Variants in THSD4 observed in about 807,000 individuals in gnomAD.
THSD4 encodes the protein thrombospondin type-1 domain-containing protein 4.
A neutral mutation model predicts 119.0 loss-of-function variants in THSD4; 69 were observed. The observed-to-expected ratio is 0.58, with a 90% CI of 0.48 to 0.71. The LOEUF (loss-of-function observed/expected upper bound fraction) is 0.71. THSD4 is among the 30% of genes least tolerant of loss of function. THSD4 has a pLI of 0.00. For missense variants in THSD4, 1,393 were observed against 1,391.1 expected, an observed-to-expected ratio of 1.00 and a Z score of -0.02; for synonymous variants, 524 against 540.4, an observed-to-expected ratio of 0.97 and a Z score of 0.42.
chr15:71,336,639 G>A (rs993253768), intron 6 of THSD4, among the ~76,000 whole-genome samples: 2 of 152,176 alleles, frequency 1.3e-5, no homozygotes, highest in Non-Finnish European at 2.9e-5. Flanking sequence ...TTATATTTCT[G>A]TAAGAGGTGC....
intron 6 of THSD4, among the ~76,000 whole-genome samples, chr15:71,365,291 A>G (rs541341660): frequency 3.9e-5 from 6 of 152,116 alleles, no homozygotes; most frequent in Non-Finnish European, 7.4e-5. Context: ...TGTAGGTACT[A>G]ACTTTCTCAG....
chr15:71,212,604 A>G (rs1317396641), intron 3 of THSD4, among the ~76,000 whole-genome samples: 1 of 152,216 alleles, frequency 6.6e-6, no homozygotes, highest in Admixed American at 6.5e-5. Context: ...CACCAGGACA[A>G]TTGTCGAAGT....
At chr15:71,535,937 G>A (rs1382553056) in intron 7 of THSD4, among the ~76,000 whole-genome samples, 5 of 152,248 alleles carry the variant, frequency 3.3e-5, no homozygotes, top group Admixed American at 2.0e-4. Context: ...TTTTGATAAA[G>A]TCCCATTTAT....
intron 7 of THSD4, among the ~76,000 whole-genome samples, chr15:71,651,013 GGAGA>G (rs752289425): frequency 1.2e-4 from 18 of 152,126 alleles, no homozygotes; most frequent in Admixed American, 5.2e-4. Context: ...TGAAAGAATG[GGAGA>G]GAGAGAATTA....
At chr15:71,435,898 C>T (rs1019545852) in intron 7 of THSD4, among the ~76,000 whole-genome samples, 4 of 152,166 alleles carry the variant, frequency 2.6e-5, no homozygotes, top group Non-Finnish European at 4.4e-5. Flanking sequence ...AGGACAGACT[C>T]CACTGACAGC....
At chr15:71,280,748 A>G (rs11072267) in intron 6 of THSD4, among the ~76,000 whole-genome samples, 151,494 of 152,178 alleles carry the variant, frequency 1, 75,410 homozygotes, top group Middle Eastern at 1. Context: ...GGTGTTTTGG[A>G]GGTGTGTCTA....
At chr15:71,754,882 T>C (rs116179093) in intron 14 of THSD4, among the ~76,000 whole-genome samples, 1 of 151,968 alleles carries the variant, frequency 6.6e-6, no homozygotes, top group Non-Finnish European at 1.5e-5. Context: ...TATGGAGAAG[T>C]GATTAGACAA....
intron 7 of THSD4, among the ~76,000 whole-genome samples, chr15:71,612,728 C>T (rs1202392553): frequency 1.3e-5 from 2 of 152,180 alleles, no homozygotes; most frequent in East Asian, 3.8e-4. Context: ...GAGGCCCCAG[C>T]TGTGAAATTA....
intron 7 of THSD4, among the ~76,000 whole-genome samples, chr15:71,595,785 T>G (rs1426467789): frequency 6.6e-6 from 1 of 152,146 alleles, no homozygotes; most frequent in Non-Finnish European, 1.5e-5. Flanking sequence ...ACGCCCTCCA[T>G]TTAAAGACGG....
intron 5 of THSD4, among the ~76,000 whole-genome samples, chr15:71,244,742 A>G (rs117115339): frequency 0.01 from 1,534 of 152,316 alleles, 11 homozygotes; most frequent in Admixed American, 0.027. Flanking sequence ...CAAAAAGTAA[A>G]GAATTGTTTG....
chr15:71,452,600 G>A (rs2047281217), intron 7 of THSD4, among the ~76,000 whole-genome samples: 1 of 151,764 alleles, frequency 6.6e-6, no homozygotes, highest in South Asian at 2.1e-4. Context: ...GCCTTTAGGA[G>A]GTAAATTTAT....
At chr15:71,731,042 A>G in intron 9 of THSD4, 79 bp from the exon 10 acceptor site, 1 of 1,322,020 alleles carries the variant, frequency 7.6e-7, no homozygotes, top group East Asian at 2.4e-5. Flanking sequence ...ATTTCTCAGT[A>G]GTTCTGCAAA....
chr15:71,544,274 A>G (rs116724531), intron 7 of THSD4, among the ~76,000 whole-genome samples: 26 of 152,342 alleles, frequency 1.7e-4, no homozygotes, highest in African/African-American at 4.8e-4. Flanking sequence ...GCTGTGTGAC[A>G]TGGAGCAAAT....
At chr15:71,280,142 G>C (rs1303655187) in intron 6 of THSD4, among the ~76,000 whole-genome samples, 3 of 152,272 alleles carry the variant, frequency 2.0e-5, no homozygotes, top group East Asian at 3.9e-4. Flanking sequence ...CCAGGCAGAG[G>C]GAACCACAGA....
chr15:71,777,397 G>C lies in THSD4; in HGVS notation c.*23G>C. The C allele has an allele frequency of 6.2e-7, 1 of 1,607,796 alleles. No individual in the cohort carries two copies. The highest frequency in any genetic ancestry group is 1.1e-5 in the South Asian group (1 of 90,550). ...TAACACTCCTGCACCCCCATCAGTA[G>C]GGCAGCATCACTGCCTTCCCGGGGG... On this transcript the variant is annotated 3_prime_UTR_variant, in exon 18 of 18. Coordinates refer to ENST00000261862, the MANE Select transcript of THSD4 (RefSeq NM_024817.3).
At chr15:71,339,660 A>C (rs1329924435) in intron 6 of THSD4, among the ~76,000 whole-genome samples, 1 of 152,190 alleles carries the variant, frequency 6.6e-6, no homozygotes, top group East Asian at 1.9e-4. Flanking sequence ...CCTGTGCCTC[A>C]GTTTCCTAAT....
At chr15:71,650,117 A>G (rs1468198120) in intron 7 of THSD4, among the ~76,000 whole-genome samples, 4 of 152,152 alleles carry the variant, frequency 2.6e-5, no homozygotes, top group Non-Finnish European at 5.9e-5. Flanking sequence ...AGTAAACCAA[A>G]TCTAGCATGT....
intron 1 of THSD4, among the ~76,000 whole-genome samples, chr15:71,116,010 T>C (rs1287492797): frequency 1.3e-5 from 2 of 152,164 alleles, no homozygotes; most frequent in African/African-American, 4.8e-5. Flanking sequence ...CTAGGGACAA[T>C]CCACCTCAGT....
At chr15:71,392,658 A>G (rs1024654012) in intron 6 of THSD4, among the ~76,000 whole-genome samples, 4 of 152,236 alleles carry the variant, frequency 2.6e-5, no homozygotes, top group Non-Finnish European at 5.9e-5. Context: ...CTATGGAACC[A>G]TAATGCTGGC....
Sources: gnomAD v4.1 joint callset for allele counts (sites outside exome capture counted in the v4.1 genomes callset) on GRCh38, gnomAD v4.1.1 for gene constraint, MANE v1.5 for transcripts, NCBI Gene and HGNC (gene_info 2026-07-23, HGNC 2026-07-21) for gene names.